The following DAP variants were observed in gnomAD, a reference collection of about 807,000 sequenced individuals.
DAP encodes death associated protein.
A neutral mutation model predicts 13.8 loss-of-function variants in DAP; 8 were observed. The ratio of observed to expected loss-of-function variants is 0.58; its 90% CI spans 0.34 to 1.05. The LOEUF (loss-of-function observed/expected upper bound fraction) is 1.05. Ranked by LOEUF, DAP falls within the 50% of genes least tolerant of loss-of-function variation. The probability of loss-of-function intolerance (pLI) is 0.03; values close to 1 mark genes in which losing one functional copy is unlikely to be tolerated. For synonymous variants in DAP, 47 were observed against 47.5 expected (o/e 0.99, Z 0.04); for missense variants, 106 against 133.2 (o/e 0.80, Z 1.01).
intron 1 of DAP, among the ~76,000 whole-genome samples, chr5:10,756,493 T>C (rs1009307883): frequency 6.6e-6 from 1 of 152,202 alleles, no homozygotes; most frequent in Non-Finnish European, 1.5e-5. Flanking sequence ...AAGAGAGAAC[T>C]AAGTTACTCT....
intron 2 of DAP, among the ~76,000 whole-genome samples, chr5:10,733,324 C>T (rs1739520724): frequency 6.6e-6 from 1 of 152,066 alleles, no homozygotes; most frequent in Non-Finnish European, 1.5e-5. Context: ...CTCTTGGTGA[C>T]CCTGCTGCTT....
Position 10,683,525 on chromosome 5 carries a change from T to C in DAP, c.195+4A>G. On this transcript the variant is annotated splice_donor_region_variant and intron_variant, in intron 3 of 3. Coordinates refer to ENST00000230895, the MANE Select transcript of DAP (RefSeq NM_004394.3). ...AAACCCACCGCAGACACTCCCAGAC[T>C]TACCCGGGCGATGACCCCAGAGATG... 2 of 1,613,830 alleles carry C rather than the reference T, an allele frequency of 1.2e-6. No homozygotes were observed. The highest frequency in any genetic ancestry group is 1.1e-5 in the South Asian group (1 of 91,036).
rs5745249 is a variant in DAP at position 10,697,652 on chromosome 5, T to C, written c.153-14081A>G. Reference sequence around the variant, plus strand: ...CAAAGTATTTTAAATAGGATAAAACTATGGTGGCTCTAAAAAGGAAAATGA... The same window carrying C: ...CAAAGTATTTTAAATAGGATAAAACCATGGTGGCTCTAAAAAGGAAAATGA... On this transcript the variant is annotated intron_variant, in intron 2 of 3. Coordinates refer to ENST00000230895, the MANE Select transcript of DAP (RefSeq NM_004394.3). Among the ~76,000 whole-genome samples the C allele has an allele frequency of 7.2e-5, 11 of 152,266 alleles. No individual in the cohort carries two copies. The East Asian group carries it at 2.1e-3, about 29-fold the overall frequency.
chr5:10,759,226 G>A (rs1740277479), intron 1 of DAP, among the ~76,000 whole-genome samples: 1 of 152,170 alleles, frequency 6.6e-6, no homozygotes, highest in African/African-American at 2.4e-5. Context: ...GTCTCTGTAT[G>A]CAATTTAATT....
At chr5:10,743,799 A>C (rs1467280162) in intron 2 of DAP, among the ~76,000 whole-genome samples, 1 of 152,226 alleles carries the variant, frequency 6.6e-6, no homozygotes, top group African/African-American at 2.4e-5. Flanking sequence ...ATTAGCTAAT[A>C]ATAATGAAGA....
At chr5:10,744,412 A>G (rs958771464) in intron 2 of DAP, among the ~76,000 whole-genome samples, 52 of 152,372 alleles carry the variant, frequency 3.4e-4, no homozygotes, top group African/African-American at 1.3e-3. Context: ...TACCTGAAGT[A>G]AAACCAGCCT....
chr5:10,687,660 T>A (rs1738188825), intron 2 of DAP, among the ~76,000 whole-genome samples: 1 of 151,262 alleles, frequency 6.6e-6, no homozygotes, highest in South Asian at 2.1e-4. Flanking sequence ...GAAAGTGATT[T>A]CTTGAGCTGG....
intron 2 of DAP, among the ~76,000 whole-genome samples, chr5:10,705,901 A>G (rs1395619809): frequency 6.6e-6 from 1 of 152,170 alleles, no homozygotes; most frequent in Non-Finnish European, 1.5e-5. Context: ...AAAAAGTGAC[A>G]TTCCTTTGGG....
Position 10,761,179 on chromosome 5 carries a change from G to A in DAP, c.-111C>T, listed in dbSNP as rs1267298217. On this transcript the variant is annotated 5_prime_UTR_variant, in exon 1 of 4. Coordinates refer to ENST00000230895, the MANE Select transcript of DAP (RefSeq NM_004394.3). ...CCGGGGAGCGAGCGGGCGGGAGAAC[G>A]ACGCGCGCGCGTGGGGCGCCGGGGC... The A allele has an allele frequency of 1.1e-5, 6 of 540,156 alleles. No homozygotes were observed. The highest frequency in any genetic ancestry group is 1.3e-5 in the Non-Finnish European group (5 of 383,386). The allele number at this position is 540,156 out of a possible 1,614,324, so 33.5% of individuals were successfully genotyped here.
At chr5:10,746,724 C>T (rs563840715) in intron 2 of DAP, among the ~76,000 whole-genome samples, 18 of 152,262 alleles carry the variant, frequency 1.2e-4, no homozygotes, top group African/African-American at 2.9e-4. Context: ...GGACAATAAT[C>T]ACTAATAATC....
chr5:10,681,462 G>T (rs1382925490), intron 3 of DAP, among the ~76,000 whole-genome samples: 1 of 151,234 alleles, frequency 6.6e-6, no homozygotes, highest in Non-Finnish European at 1.5e-5. Context: ...GGTTGTATGT[G>T]AGGAACGTCC....
At position 10,738,001 on chromosome 5, in the gene DAP, T is replaced by C. The variant is rs5745199; in HGVS notation, c.152+10174A>G. 2.4e-3 allele frequency among the ~76,000 whole-genome samples: 369 copies of C among 152,290 alleles called. 3 individuals carry two copies. Among genetic ancestry groups the C allele is most frequent in the African/African-American group, 8.4e-3 (347 of 41,556 alleles). ...AAAGGCACAGGACTGGAGTGATGCA[T>C]CTACAAGCCAGGGGATGCCAGAGAT... On this transcript the variant is annotated intron_variant, in intron 2 of 3. Transcript: ENST00000230895.
chr5:10,738,959 T>C (rs898172845), intron 2 of DAP, among the ~76,000 whole-genome samples: 7 of 150,402 alleles, frequency 4.7e-5, no homozygotes, highest in Non-Finnish European at 1.0e-4. Flanking sequence ...TCCCAGCACT[T>C]TGGGAGGCTG....
rs16885137 is a variant in DAP, at chr5:10,681,269, G to A, written c.196-100C>T. 1.2e-3 allele frequency: 1,097 copies of A among 915,934 alleles called. 6 individuals are homozygous for A. The African/African-American group carries it at 0.016, about 13-fold the overall frequency. The allele number at this position is 915,934 out of a possible 1,614,324, so 56.7% of individuals were successfully genotyped here. On this transcript the variant is annotated intron_variant, in intron 3 of 3. Transcript: ENST00000230895. ...GTGCCCACCAGCGTCCCTGCGGAAG[G>A]ATAGCAATTGTGTGTGAGGAAGCCT...
intron 2 of DAP, among the ~76,000 whole-genome samples, chr5:10,745,592 A>G (rs1386683814): frequency 6.6e-6 from 1 of 152,222 alleles, no homozygotes; most frequent in Non-Finnish European, 1.5e-5. Context: ...ATCATCTTCT[A>G]GAAAAGCTGC....
intron 2 of DAP, among the ~76,000 whole-genome samples, chr5:10,700,405 T>C (rs1158056835): frequency 6.6e-6 from 1 of 152,096 alleles, no homozygotes; most frequent in Non-Finnish European, 1.5e-5. Flanking sequence ...GAATGCAAAC[T>C]AAGGTTGGGG....
intron 2 of DAP, among the ~76,000 whole-genome samples, chr5:10,711,880 T>G (rs899272965): frequency 4.6e-5 from 7 of 152,202 alleles, no homozygotes; most frequent in African/African-American, 1.7e-4. Flanking sequence ...TAATCCTTCC[T>G]CAAACGCAGG....
intron 2 of DAP, among the ~76,000 whole-genome samples, chr5:10,691,279 A>AT (rs1184938695): frequency 6.6e-6 from 1 of 152,266 alleles, no homozygotes; most frequent in Admixed American, 6.5e-5. Context: ...GACAGAGCGT[A>AT]TGTTGTGTTG....
intron 2 of DAP, among the ~76,000 whole-genome samples, chr5:10,699,485 G>A (rs942153195): frequency 2.3e-4 from 35 of 152,242 alleles, no homozygotes; most frequent in Non-Finnish European, 5.0e-4. Flanking sequence ...GGCCACACCT[G>A]TGAGGTTTAC....
Sources: allele counts gnomAD v4.1 joint callset (sites outside exome capture counted in the v4.1 genomes callset), GRCh38; gene constraint gnomAD v4.1.1; transcripts MANE v1.5; gene names NCBI Gene and HGNC (gene_info 2026-07-23, HGNC 2026-07-21).